The following CSMD2 variants were observed in gnomAD, a reference collection of about 807,000 sequenced individuals.
CSMD2 encodes the protein CUB and Sushi multiple domains 2, also known as CUB and sushi domain-containing protein 2.
A neutral mutation model predicts 398.5 loss-of-function variants in CSMD2; 130 were observed. The observed-to-expected ratio is 0.33, with a 90% CI of 0.28 to 0.38. The LOEUF (loss-of-function observed/expected upper bound fraction) is 0.38. Among genes scored for constraint, CSMD2 ranks in the 10% least tolerant of loss-of-function variants. The pLI is 1.00. For missense variants in CSMD2, 3,829 were observed against 4,764.9 expected (o/e 0.80, Z 5.78); for synonymous variants, 1,828 against 1,908.5 (o/e 0.96, Z 1.10).
chr1:33,927,338 T>C (rs1644161421), intron 4 of CSMD2, among the ~76,000 whole-genome samples: 1 of 152,114 alleles, frequency 6.6e-6, no homozygotes, highest in Admixed American at 6.5e-5. Context: ...GCTCCCAGAC[T>C]CCTATAGTTA....
rs568259236 is a variant in CSMD2 at position 33,636,011 on chromosome 1, A to G, written c.4969+349T>C. ...CTTACTTCAACATATCTGATCTCTC[A>G]GTGATTTTCCCTAGGCCTAGGAACT... On this transcript the variant is annotated intron_variant, in intron 30 of 70. Transcript: ENST00000373381. The surrounding 1 kb of genome is among the most constrained non-coding windows in gnomAD (Gnocchi z 4.8). Among the ~76,000 whole-genome samples the G allele has an allele frequency of 4.6e-5, 7 of 152,210 alleles. No individual in the cohort carries two copies. The South Asian group carries it at 1.4e-3, about 32-fold the overall frequency.
intron 13 of CSMD2, among the ~76,000 whole-genome samples, chr1:33,764,059 G>A (rs2149309490): frequency 6.6e-6 from 1 of 152,244 alleles, no homozygotes; most frequent in African/African-American, 2.4e-5. Context: ...TCCCTTGGGT[G>A]AGGACATGAG....
intron 13 of CSMD2, among the ~76,000 whole-genome samples, chr1:33,748,250 T>C (rs1647662534): frequency 6.6e-6 from 1 of 152,166 alleles, no homozygotes; most frequent in African/African-American, 2.4e-5. Context: ...AATATTTCTG[T>C]AAGAGAATAG....
At chr1:34,083,350 G>C (rs6425873) in intron 2 of CSMD2, among the ~76,000 whole-genome samples, 113,638 of 152,140 alleles carry the variant, frequency 0.75, 42,902 homozygotes, top group East Asian at 0.96. Context: ...ATATATCTGT[G>C]TTTTAAGTGA....
intron 48 of CSMD2, among the ~76,000 whole-genome samples, chr1:33,578,996 C>A (rs913377350): frequency 5.3e-5 from 8 of 152,202 alleles, no homozygotes; most frequent in African/African-American, 1.9e-4. Context: ...TACTTAGTCA[C>A]AGTGACAGAC....
At chr1:33,731,024 A>C (rs1646699883) in intron 15 of CSMD2, among the ~76,000 whole-genome samples, 2 of 152,204 alleles carry the variant, frequency 1.3e-5, no homozygotes. Flanking sequence ...GAAAATGTAC[A>C]AGATGATGTT....
At chr1:33,745,398 C>T (rs1005195298) in intron 13 of CSMD2, among the ~76,000 whole-genome samples, 4 of 152,080 alleles carry the variant, frequency 2.6e-5, no homozygotes, top group African/African-American at 9.7e-5. Flanking sequence ...TATGGATAAA[C>T]ATTTAAGTCC....
At chr1:33,851,154 C>T (rs749635693) in intron 5 of CSMD2, among the ~76,000 whole-genome samples, 8 of 152,160 alleles carry the variant, frequency 5.3e-5, no homozygotes, top group Non-Finnish European at 8.8e-5. Flanking sequence ...TCACCAAGCA[C>T]ATATTTTGTA....
intron 7 of CSMD2, 125 bp from the exon 8 acceptor site, chr1:33,820,681 C>T (rs1366777678): frequency 3.0e-6 from 2 of 676,140 alleles, no homozygotes; most frequent in Non-Finnish European, 5.1e-6. Context: ...TGAGGCCCTG[C>T]TTTGTTGGGG....
At chr1:34,022,027 T>A (rs567963794) in intron 3 of CSMD2, among the ~76,000 whole-genome samples, 8 of 152,270 alleles carry the variant, frequency 5.3e-5, no homozygotes, top group African/African-American at 1.9e-4. Context: ...ACTGGGGGCA[T>A]CTTAGAGTCA....
In CSMD2 at chr1:33,617,420, G is replaced by C. The variant is rs1257231870; in HGVS notation, c.5946+79C>G. On this transcript the variant is annotated intron_variant, in intron 38 of 70. Coordinates refer to ENST00000373381, the MANE Select transcript of CSMD2 (RefSeq NM_001281956.2). ...GGCTGCTCCCTGTTCTTTGGTGACTGTAGCTCTGCTGGTGTAAGGCTGGCC... is the reference window on the plus strand; with the variant it reads ...GGCTGCTCCCTGTTCTTTGGTGACTCTAGCTCTGCTGGTGTAAGGCTGGCC... The C allele has an allele frequency of 6.6e-6, 7 of 1,061,594 alleles. No homozygotes were observed. The East Asian group carries it at 7.1e-5, about 11-fold the overall frequency. 65.8% of individuals were successfully genotyped at this position (1,061,594 alleles called of 1,614,324 possible). A position where few individuals can be genotyped will look rare whatever the true frequency, so the allele number is the denominator to read the frequency against.
intron 3 of CSMD2, among the ~76,000 whole-genome samples, chr1:33,939,850 G>C (rs2125337628): frequency 6.6e-6 from 1 of 152,260 alleles, no homozygotes; most frequent in South Asian, 2.1e-4. Context: ...GAGAGACATG[G>C]GTTCAAATCC....
intron 3 of CSMD2, among the ~76,000 whole-genome samples, chr1:33,966,867 C>T (rs1238904152): frequency 6.6e-6 from 1 of 152,190 alleles, no homozygotes; most frequent in Non-Finnish European, 1.5e-5. Context: ...ACCCATGACT[C>T]TCTGTGGAAA....
chr1:33,792,302 C>T lies in CSMD2; in HGVS notation c.1550+121G>A. 13 of 722,910 alleles carry T rather than the reference C, an allele frequency of 1.8e-5. No individual in the cohort carries two copies. In the South Asian group the frequency reaches 1.9e-4, roughly 11 times the overall value. 44.8% of individuals were successfully genotyped at this position (722,910 alleles called of 1,614,324 possible). A position where few individuals can be genotyped will look rare whatever the true frequency, so the allele number is the denominator to read the frequency against. ...GAAGGATTATTGCTGAAACTAGGAA[C>T]ATTGCAGGATACTGTCTTTGCTGTA... On this transcript the variant is annotated intron_variant, in intron 11 of 70. Transcript: ENST00000373381.
At chr1:33,829,471 A>G (rs1659224837) in intron 6 of CSMD2, among the ~76,000 whole-genome samples, 1 of 152,184 alleles carries the variant, frequency 6.6e-6, no homozygotes, top group Admixed American at 6.5e-5. Flanking sequence ...TACATGTGTC[A>G]TGTCGGTGTG....
chr1:33,686,939 G>A (rs569874312), intron 25 of CSMD2, among the ~76,000 whole-genome samples: 50 of 152,288 alleles, frequency 3.3e-4, no homozygotes, highest in Non-Finnish European at 6.2e-4. Flanking sequence ...CTCCAGGTGG[G>A]AGTTCTCATC....
chr1:33,952,335 G>A (rs1173487332), intron 3 of CSMD2, among the ~76,000 whole-genome samples: 2 of 152,228 alleles, frequency 1.3e-5, no homozygotes, highest in African/African-American at 2.4e-5. Flanking sequence ...AAGAATAACA[G>A]TAGTGATGGT....
At chr1:33,605,510 G>A in intron 41 of CSMD2, 40 bp from the exon 42 acceptor site, 1 of 1,600,528 alleles carries the variant, frequency 6.2e-7, no homozygotes, top group Non-Finnish European at 8.6e-7. Context: ...TATTCTCTCT[G>A]ACCAGAAAAT....
At chr1:33,785,253 G>A (rs1011383442) in intron 12 of CSMD2, among the ~76,000 whole-genome samples, 4 of 152,224 alleles carry the variant, frequency 2.6e-5, no homozygotes, top group East Asian at 3.9e-4. Flanking sequence ...ATGAACTTGT[G>A]AACTAACTCC....
Sources: gnomAD v4.1 joint callset for allele counts (sites outside exome capture counted in the v4.1 genomes callset) on GRCh38, gnomAD v4.1.1 for gene constraint, Gnocchi (gnomAD v3.1) non-coding constraint, MANE v1.5 for transcripts, NCBI Gene and HGNC (gene_info 2026-07-23, HGNC 2026-07-21) for gene names.